ZNF385D: variants seen among roughly 807,000 people sequenced by gnomAD.
ZNF385D encodes the protein zinc finger protein 659.
A neutral mutation model predicts 35.8 loss-of-function variants in ZNF385D; 15 were observed. The observed-to-expected ratio is 0.42, with a 90% CI of 0.28 to 0.64. The LOEUF is 0.64. Ranked by LOEUF, ZNF385D falls within the 30% of genes least tolerant of loss-of-function variation. The probability of loss-of-function intolerance (pLI) is 0.23; values close to 1 mark genes in which losing one functional copy is unlikely to be tolerated. For synonymous variants in ZNF385D, 212 were observed against 186.8 expected, an observed-to-expected ratio of 1.13 and a Z score of -1.10; for missense variants, 474 against 494.6, an observed-to-expected ratio of 0.96 and a Z score of 0.39.
At chr3:22,128,527 G>C (rs554290325) in intron 3 of ZNF385D, among the ~76,000 whole-genome samples, 1 of 151,732 alleles carries the variant, frequency 6.6e-6, no homozygotes, top group Non-Finnish European at 1.5e-5. Flanking sequence ...GCACTTTTTA[G>C]GCTATTTTCT....
intron 3 of ZNF385D, among the ~76,000 whole-genome samples, chr3:21,907,124 C>T (rs898430214): frequency 1.3e-5 from 2 of 152,124 alleles, no homozygotes; most frequent in African/African-American, 2.4e-5. Context: ...AGAACTTACA[C>T]CTCTTCAATA....
chr3:22,129,072 C>T (rs1703618667), intron 3 of ZNF385D, among the ~76,000 whole-genome samples: 3 of 152,206 alleles, frequency 2.0e-5, no homozygotes, highest in Admixed American at 1.3e-4. Context: ...AACTCTAAGA[C>T]TCTTGCAGAC....
chr3:22,014,921 C>A (rs752944193), intron 3 of ZNF385D, among the ~76,000 whole-genome samples: 1 of 152,072 alleles, frequency 6.6e-6, no homozygotes, highest in Non-Finnish European at 1.5e-5. Context: ...AAACTGATTA[C>A]AGTTTAAGGC....
chr3:22,220,470 C>G (rs560348946), intron 2 of ZNF385D, among the ~76,000 whole-genome samples: 1 of 152,136 alleles, frequency 6.6e-6, no homozygotes, highest in Non-Finnish European at 1.5e-5. Flanking sequence ...TATCACAGCT[C>G]GGTTTAAAAA....
chr3:22,046,123 C>T (rs1270401684), intron 3 of ZNF385D, among the ~76,000 whole-genome samples: 1 of 152,080 alleles, frequency 6.6e-6, no homozygotes, highest in Non-Finnish European at 1.5e-5. Flanking sequence ...AATGACAGTG[C>T]TGTGGGCAGC....
chr3:21,989,267 T>C (rs1007664867), intron 3 of ZNF385D, among the ~76,000 whole-genome samples: 10 of 152,322 alleles, frequency 6.6e-5, no homozygotes, highest in African/African-American at 2.4e-4. Context: ...ACTTGTTTCT[T>C]ACAACTACAA....
In ZNF385D at chr3:21,421,367, G is replaced by GGCTGCTGCA. The variant is rs1478498551; in HGVS notation, c.1026_1034dup (p.Ala346_Ala348dup). 4 of 1,613,026 alleles carry GGCTGCTGCA rather than the reference G, an allele frequency of 2.5e-6. No individual in the cohort carries two copies. The highest frequency in any genetic ancestry group is 1.3e-5 in the African/African-American group (1 of 74,978). ...GGGAACTCACTGCCACTGCTGCTGC[G>GGCTGCTGCA]GCTGCTGCAGCTGCTAGAGGATTTG... On this transcript the variant is annotated inframe_insertion, in exon 8 of 8. Coordinates refer to ENST00000281523, the MANE Select transcript of ZNF385D (RefSeq NM_024697.3).
chr3:21,973,225 A>C (rs1178513503), intron 3 of ZNF385D, among the ~76,000 whole-genome samples: 1 of 152,032 alleles, frequency 6.6e-6, no homozygotes, highest in Non-Finnish European at 1.5e-5. Context: ...ATCATGACCA[A>C]GTTGGACTTT....
At chr3:22,151,600 T>C (rs1021542602) in intron 3 of ZNF385D, among the ~76,000 whole-genome samples, 1 of 152,122 alleles carries the variant, frequency 6.6e-6, no homozygotes, top group African/African-American at 2.4e-5. Flanking sequence ...GAATTCCTTC[T>C]TGCTTGAGGA....
At chr3:22,212,818 GTTATC>G (rs1697611024) in intron 2 of ZNF385D, among the ~76,000 whole-genome samples, 3 of 152,026 alleles carry the variant, frequency 2.0e-5, no homozygotes, top group African/African-American at 7.2e-5. Flanking sequence ...ACATTCGCTT[GTTATC>G]TTATTTATGG....
At chr3:21,751,608 G>A (rs759705810), upstream of ZNF385D, among the ~76,000 whole-genome samples, 2 of 152,068 alleles carry the variant, frequency 1.3e-5, no homozygotes, top group East Asian at 1.9e-4. Context: ...TTTGCTGTGG[G>A]CTTGAGGGTT....
chr3:21,949,146 T>G (rs562629), intron 3 of ZNF385D, among the ~76,000 whole-genome samples: 39,414 of 152,112 alleles, frequency 0.26, 5,806 homozygotes, highest in Admixed American at 0.41. Context: ...ATCTGCTTAA[T>G]TTTTTCTTGG....
chr3:21,880,175 A>T (rs1338767694), intron 3 of ZNF385D, among the ~76,000 whole-genome samples: 1 of 151,914 alleles, frequency 6.6e-6, no homozygotes, highest in Non-Finnish European at 1.5e-5. Flanking sequence ...TTTGTTACAA[A>T]AAAAGTGATC....
At chr3:21,807,721 A>G (rs1194589173) in intron 3 of ZNF385D, among the ~76,000 whole-genome samples, 1 of 152,206 alleles carries the variant, frequency 6.6e-6, no homozygotes, top group East Asian at 1.9e-4. Context: ...ACAAAATAGG[A>G]GCATCATTTG....
At chr3:22,371,841 T>C (rs1019464365) in intron 2 of ZNF385D, among the ~76,000 whole-genome samples, 1 of 152,168 alleles carries the variant, frequency 6.6e-6, no homozygotes, top group East Asian at 1.9e-4. Context: ...AGTGATTTCC[T>C]TGGAGGGACG....
intron 3 of ZNF385D, among the ~76,000 whole-genome samples, chr3:21,929,015 G>A (rs998735919): frequency 8.5e-5 from 13 of 152,050 alleles, no homozygotes; most frequent in Non-Finnish European, 1.5e-4. Flanking sequence ...CCAAACAAAT[G>A]TATCAGTAGA....
At chr3:21,826,885 G>A (rs1366508431) in intron 3 of ZNF385D, among the ~76,000 whole-genome samples, 1 of 151,640 alleles carries the variant, frequency 6.6e-6, no homozygotes, top group Non-Finnish European at 1.5e-5. Context: ...GTCCTCTCTT[G>A]GAGGTACCTG....
chr3:22,093,487 C>A (rs971620105), intron 3 of ZNF385D, among the ~76,000 whole-genome samples: 1 of 151,814 alleles, frequency 6.6e-6, no homozygotes, highest in African/African-American at 2.4e-5. Flanking sequence ...TTATCTTTCA[C>A]AAAGGATAAT....
At chr3:22,064,384 G>A (rs1300342465) in intron 3 of ZNF385D, among the ~76,000 whole-genome samples, 2 of 151,706 alleles carry the variant, frequency 1.3e-5, no homozygotes, top group Non-Finnish European at 2.9e-5. Context: ...TTAGAAAGCA[G>A]AGCATTTGTT....
Sources: allele counts gnomAD v4.1 joint callset (sites outside exome capture counted in the v4.1 genomes callset), GRCh38; gene constraint gnomAD v4.1.1; transcripts MANE v1.5; gene names NCBI Gene and HGNC (gene_info 2026-07-23, HGNC 2026-07-21).